The following DNAJB11 variants were observed in gnomAD, a reference collection of about 807,000 sequenced individuals.
The protein encoded by DNAJB11 is DnaJ heat shock protein family (Hsp40) member B11, also known as dnaJ homolog subfamily B member 11.
Under a neutral mutation model 47.2 loss-of-function variants are expected in DNAJB11, and 30 were observed. The ratio of observed to expected loss-of-function variants is 0.64; its 90% CI spans 0.48 to 0.86. The LOEUF (loss-of-function observed/expected upper bound fraction) is 0.86. Among genes scored for constraint, DNAJB11 ranks in the 40% least tolerant of loss-of-function variants. The probability of loss-of-function intolerance (pLI) is 0.00; values close to 1 mark genes in which losing one functional copy is unlikely to be tolerated. For missense variants in DNAJB11, 357 were observed against 440.2 expected, an observed-to-expected ratio of 0.81 and a Z score of 1.69; for synonymous variants, 151 against 159.9, an observed-to-expected ratio of 0.94 and a Z score of 0.42.
In DNAJB11 at chr3:186,570,928, C is replaced by T. The variant is rs770056805; in HGVS notation, c.31C>T (p.Leu11=). The T allele has an allele frequency of 3.2e-6, 5 of 1,586,872 alleles. No homozygotes were observed. The highest frequency in any genetic ancestry group is 1.3e-5 in the African/African-American group (1 of 74,150). MAPQNLSTFC[L]LLLYLIGAVI... ...TCCGCAGAACCTGAGCACCTTTTGCCTGTTGCTGCTATACCTCATCGGGGC... is the reference window on the plus strand; with the variant it reads ...TCCGCAGAACCTGAGCACCTTTTGCTTGTTGCTGCTATACCTCATCGGGGC... Residue 11 remains leucine (L), a synonymous_variant, in exon 1 of 10, where the codon CTG becomes TTG. Coordinates refer to ENST00000265028, the MANE Select transcript of DNAJB11 (RefSeq NM_016306.6).
chr3:186,576,435 A>G (rs1269656061), intron 3 of DNAJB11, among the ~76,000 whole-genome samples: 2 of 152,056 alleles, frequency 1.3e-5, no homozygotes, highest in African/African-American at 2.4e-5. Context: ...AATAATAAAC[A>G]CTTTCTTCCT....
intron 4 of DNAJB11, chr3:186,578,786 C>A (rs1715385562): frequency 6.6e-6 from 1 of 152,170 alleles, no homozygotes; most frequent in African/African-American, 2.4e-5. Flanking sequence ...TATAGGCTAT[C>A]TGTTTGTAAC....
chr3:186,572,720 A>C (rs1715126850), intron 2 of DNAJB11, among the ~76,000 whole-genome samples: 1 of 152,232 alleles, frequency 6.6e-6, no homozygotes, highest in Non-Finnish European at 1.5e-5. Context: ...TATAAGTTAA[A>C]ACATGGCAGC....
intron 2 of DNAJB11, among the ~76,000 whole-genome samples, chr3:186,575,493 T>C (rs1715258700): frequency 6.6e-6 from 1 of 152,110 alleles, no homozygotes; most frequent in African/African-American, 2.4e-5. Flanking sequence ...AAAGTCAAAC[T>C]GCATGGGAAG....
chr3:186,579,018 G>A (rs1173319259), intron 4 of DNAJB11: 1 of 152,100 alleles, frequency 6.6e-6, no homozygotes, highest in African/African-American at 2.4e-5. Context: ...GGAGTTTGAG[G>A]CTATCATGTC....
intron 9 of DNAJB11, 30 bp downstream of exon 9, chr3:186,584,619 G>GTGTGTGTGTGTT: frequency 2.0e-6 from 3 of 1,515,060 alleles, no homozygotes; most frequent in East Asian, 2.5e-5. Context: ...GTGTGTGTGT[G>GTGTGTGTGTGTT]TGTTTGTGTG....
chr3:186,573,419 C>G (rs1412470369), intron 2 of DNAJB11, among the ~76,000 whole-genome samples: 1 of 152,098 alleles, frequency 6.6e-6, no homozygotes, highest in East Asian at 1.9e-4. Flanking sequence ...GAGTCTCGCT[C>G]TGTCTGCCAA....
chr3:186,571,661 GA>G (rs1159705570), intron 1 of DNAJB11, among the ~76,000 whole-genome samples: 1 of 152,180 alleles, frequency 6.6e-6, no homozygotes, highest in Non-Finnish European at 1.5e-5. Flanking sequence ...TCTTTTTAAA[GA>G]AGGAAAATCA....
chr3:186,582,191 A>G (rs1715511078), intron 6 of DNAJB11, 114 bp downstream of exon 6: 4 of 803,692 alleles, frequency 5.0e-6, no homozygotes, highest in Admixed American at 5.0e-5. Flanking sequence ...GTAAACGCAT[A>G]TATAATTTCC....
chr3:186,584,088 C>T (rs955202868), intron 8 of DNAJB11, 112 bp downstream of exon 8: 55 of 768,482 alleles, frequency 7.2e-5, no homozygotes, highest in Admixed American at 4.8e-4. Context: ...CTTTCTTGGT[C>T]GTATTCTGCC....
In DNAJB11 at chr3:186,576,029, T is replaced by C. The variant is rs762488200; in HGVS notation, c.323+92T>C. The C allele has an allele frequency of 4.3e-6, 4 of 920,134 alleles. No individual in the cohort carries two copies. The South Asian group carries it at 5.9e-5, about 14-fold the overall frequency. 57.0% of individuals were successfully genotyped at this position (920,134 alleles called of 1,614,324 possible). ...ATTCTCATTCCCTAGTTCAGAAACTTTTGATGAACAGTACAATTTAGCTGA... is the reference window on the plus strand; with the variant it reads ...ATTCTCATTCCCTAGTTCAGAAACTCTTGATGAACAGTACAATTTAGCTGA... On this transcript the variant is annotated intron_variant, in intron 3 of 9. Coordinates refer to ENST00000265028, the MANE Select transcript of DNAJB11 (RefSeq NM_016306.6).
intron 1 of DNAJB11, among the ~76,000 whole-genome samples, chr3:186,571,617 G>A (rs760452821): frequency 6.6e-6 from 1 of 152,182 alleles, no homozygotes; most frequent in African/African-American, 2.4e-5. Flanking sequence ...TAACATTCTG[G>A]CAGTGCTACT....
intron 2 of DNAJB11, 118 bp from the exon 3 acceptor site, chr3:186,575,722 C>G: frequency 1.4e-6 from 1 of 708,084 alleles, no homozygotes; most frequent in Non-Finnish European, 2.4e-6. Flanking sequence ...ATAATGGAAA[C>G]TGCATTCTAT....
At position 186,575,781 on chromosome 3, in the gene DNAJB11, G is replaced by T. The variant is rs143237837; in HGVS notation, c.226-59G>T. Reference sequence around the variant, plus strand: ...AGTAAAAACAAACATAAATATGACTGTGCCTTAACTGGATATTACCAACTC... The same window carrying T: ...AGTAAAAACAAACATAAATATGACTTTGCCTTAACTGGATATTACCAACTC... On this transcript the variant is annotated intron_variant, in intron 2 of 9. Transcript: ENST00000265028. The T allele has an allele frequency of 3.0e-6, 4 of 1,320,424 alleles. No homozygotes were observed. The East Asian group carries it at 6.9e-5, about 23-fold the overall frequency. The allele number at this position is 1,320,424 out of a possible 1,614,324, so 81.8% of individuals were successfully genotyped here.
intron 6 of DNAJB11, 41 bp downstream of exon 6, chr3:186,582,118 T>C (rs1240560415): frequency 6.7e-7 from 1 of 1,482,012 alleles, no homozygotes; most frequent in South Asian, 1.2e-5. Context: ...TGATAACTTT[T>C]TGCTCTCTGC....
chr3:186,581,943 T>G, intron 5 of DNAJB11, 52 bp from the exon 6 acceptor site: 1 of 1,433,086 alleles, frequency 7.0e-7, no homozygotes, highest in Non-Finnish European at 9.7e-7. Context: ...ATATCTGATG[T>G]TTTGTTTATA....
intron 1 of DNAJB11, among the ~76,000 whole-genome samples, chr3:186,571,347 C>G (rs1715045840): frequency 6.6e-6 from 1 of 152,088 alleles, no homozygotes; most frequent in Admixed American, 6.6e-5. Context: ...AGTGACAGTG[C>G]CAGGCTGAGG....
chr3:186,576,980 A>T (rs550830808), intron 3 of DNAJB11, among the ~76,000 whole-genome samples: 2 of 152,222 alleles, frequency 1.3e-5, no homozygotes, highest in African/African-American at 4.8e-5. Flanking sequence ...AAAAATTAAC[A>T]TTAGATTAAA....
At chr3:186,571,032 T>TGGGGGGG in intron 1 of DNAJB11, 67 bp downstream of exon 1, 10 of 201,960 alleles carry the variant, frequency 5.0e-5, no homozygotes, top group East Asian at 1.2e-4. Flanking sequence ...TGGGAGGGGG[T>TGGGGGGG]GGGGGAAGTG....
Sources: gnomAD v4.1 joint callset for allele counts (sites outside exome capture counted in the v4.1 genomes callset) on GRCh38, gnomAD v4.1.1 for gene constraint, MANE v1.5 for transcripts, NCBI Gene and HGNC (gene_info 2026-07-23, HGNC 2026-07-21) for gene names.